The following ABHD2 variants were observed in gnomAD, a reference collection of about 807,000 sequenced individuals.
The protein encoded by ABHD2 is abhydrolase domain containing 2, acylglycerol lipase.
ABHD2 carries 20 observed loss-of-function variants against 48.1 expected under a neutral mutation model. That is an observed-to-expected ratio of 0.42 (90% CI 0.29 to 0.60). ABHD2 has a LOEUF of 0.60. Ranked by LOEUF, ABHD2 falls within the 20% of genes least tolerant of loss-of-function variation. The pLI is 0.24. For synonymous variants in ABHD2, 209 were observed against 214.2 expected, an observed-to-expected ratio of 0.98 and a Z score of 0.21; for missense variants, 405 against 550.9, an observed-to-expected ratio of 0.74 and a Z score of 2.65.
intron 3 of ABHD2, chr15:89,136,251 T>C (rs761370309): frequency 2.7e-6 from 1 of 366,250 alleles, no homozygotes; most frequent in Non-Finnish European, 5.4e-6. Context: ...TTGTCTCCCC[T>C]TTAGGAAAGA....
In ABHD2 at chr15:89,097,765, T is replaced by C. The variant is rs560386398; in HGVS notation, c.-107+9202T>C. The stretch of plus-strand genomic sequence containing the variant: ...TATTTTTTCAGAGATCTTTTATGTG[T>C]GTCCCAGCAAATGTGTATGCATCTA... On this transcript the variant is annotated intron_variant, in intron 1 of 10. Transcript: ENST00000352732. The surrounding 1 kb of genome is among the most constrained non-coding windows in gnomAD (Gnocchi z 4.2). Among the ~76,000 whole-genome samples, 25 of 152,358 alleles carry C rather than the reference T, an allele frequency of 1.6e-4. No individual in the cohort carries two copies. Among genetic ancestry groups the C allele is most frequent in the African/African-American group, 6.0e-4 (25 of 41,588 alleles).
At position 89,185,636 on chromosome 15, in the gene ABHD2, C is replaced by A; in HGVS notation, c.815+120C>A. On this transcript the variant is annotated intron_variant, in intron 7 of 10. Transcript: ENST00000352732. The surrounding 1 kb of genome is among the most constrained non-coding windows in gnomAD (Gnocchi z 5.9). ...GAAAAAAAAAAATGCAGGTGTGGTA[C>A]AGACTCTCTGCTGCCTGCATTTGTG... 2.3e-6 allele frequency: 2 copies of A among 873,332 alleles called. No individual in the cohort carries two copies. Among genetic ancestry groups the A allele is most frequent in the East Asian group, 2.6e-5 (1 of 37,776 alleles). 54.1% of individuals were successfully genotyped at this position (873,332 alleles called of 1,614,324 possible).
intron 3 of ABHD2, among the ~76,000 whole-genome samples, chr15:89,127,274 A>G (rs1239940222): frequency 6.6e-6 from 1 of 152,150 alleles, no homozygotes; most frequent in Non-Finnish European, 1.5e-5. Context: ...GCGTGGGTGC[A>G]TGGCATCAAA....
Position 89,201,860 on chromosome 15 carries a change from G to A in ABHD2, c.*6437G>A, listed in dbSNP as rs71405638. 17 of 824,502 alleles carry A rather than the reference G, an allele frequency of 2.1e-5. No individual in the cohort carries two copies. The highest frequency in any genetic ancestry group is 1.0e-4 in the East Asian group (4 of 39,440). 51.1% of individuals were successfully genotyped at this position (824,502 alleles called of 1,614,324 possible). A position where few individuals can be genotyped will look rare whatever the true frequency, so the allele number is the denominator to read the frequency against. On this transcript the variant is annotated 3_prime_UTR_variant, in exon 11 of 11. Transcript: ENST00000352732. ...CTCGCTGGGGGCGGGGGACGATGGC[G>A]AGAGGGGAGGGGGAGCGAGTTCGCA...
intron 5 of ABHD2, among the ~76,000 whole-genome samples, chr15:89,161,547 C>G (rs2050762053): frequency 6.6e-6 from 1 of 152,116 alleles, no homozygotes; most frequent in Non-Finnish European, 1.5e-5. Flanking sequence ...ATTATAAGCA[C>G]CCGCCACCAC....
chr15:89,152,331 G>A (rs1404355798), intron 4 of ABHD2, among the ~76,000 whole-genome samples: 1 of 152,010 alleles, frequency 6.6e-6, no homozygotes, highest in Non-Finnish European at 1.5e-5. Context: ...TGCCTGCCTC[G>A]GCCTCCCAAA....
chr15:89,183,399 A>ATATATATATATAT (rs1280371974), intron 6 of ABHD2: 1 of 119,844 alleles, frequency 8.3e-6, no homozygotes, highest in Admixed American at 7.7e-5. Context: ...ATATATATAT[A>ATATATATATATAT]TATATATATA....
the ABHD2 span, among the ~76,000 whole-genome samples, chr15:89,054,746 T>G: frequency 2.0e-5 from 3 of 152,164 alleles, no homozygotes; most frequent in African/African-American, 7.2e-5. Flanking sequence ...TGTTAATATT[T>G]CAGTGTTTAT....
In ABHD2 at chr15:89,176,954, A is replaced by C. The variant is rs1277812799; in HGVS notation, c.722+959A>C. 6.6e-6 allele frequency among the ~76,000 whole-genome samples: 1 copy of C among 152,160 alleles called. No individual in the cohort carries two copies. Among genetic ancestry groups the C allele is most frequent in the Non-Finnish European group, 1.5e-5 (1 of 68,020 alleles). On this transcript the variant is annotated intron_variant, in intron 6 of 10. Transcript: ENST00000352732. The surrounding 1 kb of genome is among the most constrained non-coding windows in gnomAD (Gnocchi z 4.5). ...AACATACCTTGTTACTTTCTGATGGATAGAGGCCATCTATATTATTTCTAA... is the reference window on the plus strand; with the variant it reads ...AACATACCTTGTTACTTTCTGATGGCTAGAGGCCATCTATATTATTTCTAA...
rs16942823 is a variant in ABHD2, at chr15:89,189,776, C to T, written c.927-1304C>T. On this transcript the variant is annotated intron_variant, in intron 8 of 10. Transcript: ENST00000352732. The surrounding 1 kb of genome is among the most constrained non-coding windows in gnomAD (Gnocchi z 4.9). Reference sequence around the variant, plus strand: ...TCAGATGAAGTGTGTGACTGTATTGCGGTGTGTGGTAAGAAAAAACAAATT... The same window carrying T: ...TCAGATGAAGTGTGTGACTGTATTGTGGTGTGTGGTAAGAAAAAACAAATT... Among the ~76,000 whole-genome samples, 6,474 of 152,072 alleles carry T rather than the reference C, an allele frequency of 0.043. 451 individuals are homozygous for T. Among genetic ancestry groups the T allele is most frequent in the African/African-American group, 0.15 (6,067 of 41,388 alleles).
At chr15:89,133,370 G>A (rs563566551) in intron 3 of ABHD2, among the ~76,000 whole-genome samples, 4 of 152,218 alleles carry the variant, frequency 2.6e-5, no homozygotes, top group Admixed American at 6.5e-5. Context: ...TTTTCATCAC[G>A]ATGCGCACCT....
intron 5 of ABHD2, among the ~76,000 whole-genome samples, chr15:89,159,585 G>C (rs2050731039): frequency 6.6e-6 from 1 of 152,110 alleles, no homozygotes; most frequent in African/African-American, 2.4e-5. Flanking sequence ...GGAGTTTGTA[G>C]ACAGGGGAGT....
chr15:89,058,212 C>T, the ABHD2 span, among the ~76,000 whole-genome samples: 1 of 152,152 alleles, frequency 6.6e-6, no homozygotes, highest in African/African-American at 2.4e-5. Flanking sequence ...CCACTTCTGG[C>T]CCCAGGTCCA....
the ABHD2 span, among the ~76,000 whole-genome samples, chr15:89,057,927 T>C: frequency 1.3e-5 from 2 of 152,166 alleles, no homozygotes; most frequent in Non-Finnish European, 2.9e-5. Context: ...CTTCGCCCTC[T>C]ACCCAGTCCA....
chr15:89,046,640 C>T, the ABHD2 span, among the ~76,000 whole-genome samples: 2 of 151,908 alleles, frequency 1.3e-5, no homozygotes, highest in African/African-American at 4.8e-5. Flanking sequence ...GTGTATGTGT[C>T]GAGGAATTTA....
chr15:89,053,114 G>A, the ABHD2 span, among the ~76,000 whole-genome samples: 54 of 151,996 alleles, frequency 3.6e-4, no homozygotes, highest in Admixed American at 1.1e-3. Context: ...CTACAGGCAC[G>A]TGCCACCACG....
chr15:89,110,757 C>G (rs559320245), intron 1 of ABHD2, among the ~76,000 whole-genome samples: 7 of 152,166 alleles, frequency 4.6e-5, no homozygotes, highest in Non-Finnish European at 1.0e-4. Context: ...AATTATAAAT[C>G]TCTCATAGAA....
intron 1 of ABHD2, among the ~76,000 whole-genome samples, chr15:89,096,744 C>T (rs969895436): frequency 6.6e-5 from 10 of 152,202 alleles, no homozygotes; most frequent in African/African-American, 2.4e-4. Context: ...ACAAAAGTTA[C>T]TTATGGGTTT....
chr15:89,154,277 T>C (rs1269702695), intron 4 of ABHD2, among the ~76,000 whole-genome samples: 1 of 152,240 alleles, frequency 6.6e-6, no homozygotes, highest in Non-Finnish European at 1.5e-5. Context: ...AGGTTCTTTA[T>C]GCATATTGGA....
Sources: allele counts gnomAD v4.1 joint callset (sites outside exome capture counted in the v4.1 genomes callset), GRCh38; gene constraint gnomAD v4.1.1; non-coding constraint Gnocchi (gnomAD v3.1); transcripts MANE v1.5; gene names NCBI Gene and HGNC (gene_info 2026-07-23, HGNC 2026-07-21).